The following ADAMTS3 variants were observed in gnomAD, a reference collection of about 807,000 sequenced individuals.
ADAMTS3 encodes the protein ADAM metallopeptidase with thrombospondin type 1 motif 3.
ADAMTS3 carries 73 observed loss-of-function variants against 129.0 expected under a neutral mutation model. The observed-to-expected ratio is 0.57, with a 90% CI of 0.47 to 0.69. The LOEUF is 0.69. ADAMTS3 is among the 30% of genes least tolerant of loss of function. The pLI is 0.00. For synonymous variants in ADAMTS3, 477 were observed against 510.8 expected (o/e 0.93, Z 0.89); for missense variants, 1,457 against 1,514.5 (o/e 0.96, Z 0.63).
intron 3 of ADAMTS3, among the ~76,000 whole-genome samples, chr4:72,452,652 C>T (rs1158180733): frequency 6.6e-6 from 1 of 151,754 alleles, no homozygotes; most frequent in African/African-American, 2.4e-5. Flanking sequence ...GTCACTACAG[C>T]TCTCATAATA....
At chr4:72,423,778 G>A (rs1030019794) in intron 3 of ADAMTS3, among the ~76,000 whole-genome samples, 17 of 152,058 alleles carry the variant, frequency 1.1e-4, no homozygotes, top group African/African-American at 3.9e-4. Context: ...AGAATGACTA[G>A]TATTGATCTG....
intron 4 of ADAMTS3, among the ~76,000 whole-genome samples, chr4:72,401,756 C>A (rs1721928671): frequency 6.6e-6 from 1 of 151,864 alleles, no homozygotes; most frequent in Non-Finnish European, 1.5e-5. Context: ...TTATTGACAG[C>A]TTACTAAGAA....
At chr4:72,432,929 C>T (rs781615485) in intron 3 of ADAMTS3, among the ~76,000 whole-genome samples, 1 of 151,914 alleles carries the variant, frequency 6.6e-6, no homozygotes, top group Non-Finnish European at 1.5e-5. Context: ...AATTAACACT[C>T]AGAAACTAGT....
chr4:72,319,397 T>C lies in ADAMTS3; in HGVS notation c.1287A>G (p.Val429=). The C allele has an allele frequency of 6.2e-7, 1 of 1,613,970 alleles. No individual in the cohort carries two copies. Among genetic ancestry groups the C allele is most frequent in the Non-Finnish European group, 8.5e-7 (1 of 1,179,946 alleles). The change falls in exon 9 of 22, where the codon GTA becomes GTG. Residue 429 remains valine, a synonymous_variant. Coordinates refer to ENST00000286657, the MANE Select transcript of ADAMTS3 (RefSeq NM_014243.3). The part of the protein sequence containing the change: ...TAMGSVMAPL[V]QAAFHRYHWS... ...AGTGGTAACGATGGAATGCTGCTTG[T>C]ACCAAGGGAGCCATGACACTTCCCA...
intron 3 of ADAMTS3, among the ~76,000 whole-genome samples, chr4:72,503,618 A>G (rs2110026458): frequency 6.6e-6 from 1 of 152,294 alleles, no homozygotes; most frequent in Non-Finnish European, 1.5e-5. Flanking sequence ...ATCAGCTCCA[A>G]TTGGTCAAGT....
Position 72,306,049 on chromosome 4 carries a change from T to G in ADAMTS3, c.2198A>C (p.Asp733Ala). 1 of 1,606,894 alleles carries G rather than the reference T, an allele frequency of 6.2e-7. No individual in the cohort carries two copies. The highest frequency in any genetic ancestry group is 8.5e-7 in the Non-Finnish European group (1 of 1,177,048). The change falls in exon 16 of 22, where the codon GAT (aspartate) becomes GCT (alanine). Residue 733 changes from aspartate (D) to alanine (A), a missense_variant. Transcript: ENST00000286657. ...PRKLGYLKMF[D>A]IPPGARHVLI... ...CACATGTCTAGCCCCAGGGGGTATA[T>G]CAAACATCTTAAGGTACCCTTTGCA...
At chr4:72,567,805 C>T (rs1008806191) in intron 1 of ADAMTS3, among the ~76,000 whole-genome samples, 10 of 152,122 alleles carry the variant, frequency 6.6e-5, no homozygotes, top group African/African-American at 1.9e-4. Flanking sequence ...TACTTTTTAC[C>T]CTATGGTCGT....
intron 17 of ADAMTS3, 80 bp downstream of exon 17, chr4:72,303,826 ACACTTAATGTT>A (rs1405274228): frequency 7.5e-7 from 1 of 1,340,628 alleles, no homozygotes; most frequent in Non-Finnish European, 1.0e-6. Flanking sequence ...AGTTCAAAGT[ACACTTAATGTT>A]CAAGGTAAAA....
At chr4:72,469,353 C>T (rs1221114793) in intron 3 of ADAMTS3, among the ~76,000 whole-genome samples, 1 of 152,032 alleles carries the variant, frequency 6.6e-6, no homozygotes, top group Non-Finnish European at 1.5e-5. Context: ...CATACTCCAA[C>T]CCATAGAAGT....
chr4:72,314,128 C>T (rs571380309), intron 11 of ADAMTS3, among the ~76,000 whole-genome samples: 1 of 152,268 alleles, frequency 6.6e-6, no homozygotes, highest in East Asian at 1.9e-4. Flanking sequence ...GAGCACCCAG[C>T]TTGCACAGTT....
At chr4:72,373,899 AAATAATAAT>A (rs58311705) in intron 4 of ADAMTS3, among the ~76,000 whole-genome samples, 9,861 of 140,964 alleles carry the variant, frequency 0.07, 559 homozygotes, top group African/African-American at 0.14. Context: ...CCCCATCTCA[AAATAATAAT>A]AATAATAATA....
At chr4:72,558,165 C>T (rs561722523) in intron 2 of ADAMTS3, among the ~76,000 whole-genome samples, 1 of 151,932 alleles carries the variant, frequency 6.6e-6, no homozygotes, top group East Asian at 1.9e-4. Context: ...TGAAACTTTA[C>T]TTGCGATAAT....
At chr4:72,472,198 C>T (rs1719090996) in intron 3 of ADAMTS3, among the ~76,000 whole-genome samples, 2 of 152,212 alleles carry the variant, frequency 1.3e-5, no homozygotes, top group South Asian at 4.1e-4. Context: ...CATACATTCT[C>T]AATTCCACTA....
chr4:72,560,833 T>A (rs1721885507), intron 2 of ADAMTS3, among the ~76,000 whole-genome samples: 1 of 152,216 alleles, frequency 6.6e-6, no homozygotes, highest in African/African-American at 2.4e-5. Context: ...ACGTGTACCC[T>A]GGAACTTAAA....
chr4:72,549,010 A>G, intron 2 of ADAMTS3, 126 bp from the exon 3 acceptor site: 1 of 787,236 alleles, frequency 1.3e-6, no homozygotes, highest in Non-Finnish European at 1.9e-6. Flanking sequence ...ACATTCCTGA[A>G]TCAGCTCATA....
intron 10 of ADAMTS3, 75 bp downstream of exon 10, chr4:72,318,497 T>A (rs1719458467): frequency 6.6e-7 from 1 of 1,513,936 alleles, no homozygotes; most frequent in Admixed American, 1.8e-5. Context: ...CCAGTGAGTC[T>A]GTAAATCTCA....
intron 3 of ADAMTS3, among the ~76,000 whole-genome samples, chr4:72,478,893 C>T (rs1453648036): frequency 6.6e-6 from 1 of 151,692 alleles, no homozygotes; most frequent in African/African-American, 2.4e-5. Flanking sequence ...TTCTTATACA[C>T]CAATAACAGA....
At chr4:72,510,844 A>C (rs1720295879) in intron 3 of ADAMTS3, among the ~76,000 whole-genome samples, 1 of 103,444 alleles carries the variant, frequency 9.7e-6, no homozygotes, top group East Asian at 3.0e-4. Context: ...AAAAAAAAAA[A>C]CTGGAGGAAT....
At chr4:72,490,567 T>G (rs1177202523) in intron 3 of ADAMTS3, among the ~76,000 whole-genome samples, 1 of 151,976 alleles carries the variant, frequency 6.6e-6, no homozygotes, top group East Asian at 1.9e-4. Context: ...ATTCTGCATG[T>G]GCATATCTGG....
Sources: allele counts gnomAD v4.1 joint callset (sites outside exome capture counted in the v4.1 genomes callset), GRCh38; gene constraint gnomAD v4.1.1; transcripts MANE v1.5; gene names NCBI Gene and HGNC (gene_info 2026-07-23, HGNC 2026-07-21).